Variants in KNL1 observed in about 807,000 individuals in gnomAD.
The protein encoded by KNL1 is kinetochore scaffold 1.
A neutral mutation model predicts 201.3 loss-of-function variants in KNL1; 66 were observed. The ratio of observed to expected loss-of-function variants is 0.33; its 90% CI spans 0.27 to 0.40. The LOEUF (loss-of-function observed/expected upper bound fraction) is 0.40. Among genes scored for constraint, KNL1 ranks in the 10% least tolerant of loss-of-function variants. The pLI, the probability that KNL1 is intolerant of heterozygous loss-of-function variation, is 1.00. For synonymous variants in KNL1, 895 were observed against 899.2 expected, an observed-to-expected ratio of 1.00 and a Z score of 0.08; for missense variants, 2,815 against 2,690.5, an observed-to-expected ratio of 1.05 and a Z score of -1.02.
chr15:40,599,834 A>G (rs1436500602), intron 1 of KNL1, among the ~76,000 whole-genome samples: 9 of 101,654 alleles, frequency 8.9e-5, no homozygotes, highest in Non-Finnish European at 1.6e-4. Flanking sequence ...GGGTCTCCCT[A>G]TGTTGCCCAG....
chr15:40,601,373 T>C (rs965890619), intron 1 of KNL1, among the ~76,000 whole-genome samples: 1 of 152,214 alleles, frequency 6.6e-6, no homozygotes, highest in African/African-American at 2.4e-5. Flanking sequence ...CTAATTGATG[T>C]CCACTTTGGG....
In KNL1 at chr15:40,619,355, A is replaced by AATATATAT. The variant is rs71956781; in HGVS notation, c.375+359_375+366dup. Among the ~76,000 whole-genome samples the AATATATAT allele has an allele frequency of 4.2e-3, 614 of 146,154 alleles. 9 individuals are homozygous for AATATATAT. Among genetic ancestry groups the AATATATAT allele is most frequent in the African/African-American group, 0.013 (534 of 39,784 alleles). On this transcript the variant is annotated intron_variant, in intron 9 of 25. Coordinates refer to ENST00000399668, the MANE Select transcript of KNL1 (RefSeq NM_144508.5). ...AGAAAACTGTTGTAGCACACAGTGT[A>AATATATAT]ATATATATATATATATATATATTTT...
chr15:40,652,314 G>T (rs1440738430), intron 21 of KNL1, among the ~76,000 whole-genome samples: 2 of 152,090 alleles, frequency 1.3e-5, no homozygotes, highest in African/African-American at 2.4e-5. Flanking sequence ...GTTGCCCTTT[G>T]TTGAATTACA....
intron 10 of KNL1, among the ~76,000 whole-genome samples, chr15:40,626,327 C>CT (rs540280443): frequency 0.029 from 3,906 of 135,300 alleles, 112 homozygotes; most frequent in East Asian, 0.14. Context: ...TAATTTCTTT[C>CT]TTTTTTTTTT....
At position 40,622,413 on chromosome 15, in the gene KNL1, A is replaced by G. The variant is rs758340915; in HGVS notation, c.2149A>G (p.Ile717Val). The G allele has an allele frequency of 1.9e-6, 3 of 1,613,760 alleles. No homozygotes were observed. The highest frequency in any genetic ancestry group is 1.7e-5 in the Admixed American group (1 of 60,002). Residue 717 changes from isoleucine (I) to valine (V), a missense_variant, in exon 10 of 26, where the codon ATA becomes GTA. Physicochemically the swap from Ile to Val is conservative, Grantham distance 29. This residue lies in a region of KNL1 where 2,464 missense variants were observed against 2,291.7 expected (regional missense o/e 1.08). Transcript: ENST00000399668. ...CTCTATGAAAAATCATGATACTGCT[A>G]TAAGTAGTCATACAGTGAAATCTGT... ...QFSMKNHDTA[I>V]SSHTVKSVLG...
chr15:40,660,485 T>G (rs914071549), intron 25 of KNL1, among the ~76,000 whole-genome samples: 1 of 148,196 alleles, frequency 6.7e-6, no homozygotes, highest in Non-Finnish European at 1.5e-5. Context: ...GCCAAGTTGG[T>G]GAAACCCCGC....
chr15:40,637,836 A>G (rs1184275441), intron 13 of KNL1, among the ~76,000 whole-genome samples: 1 of 152,084 alleles, frequency 6.6e-6, no homozygotes, highest in Non-Finnish European at 1.5e-5. Context: ...CATCCCCAAG[A>G]TATGTCATTA....
intron 9 of KNL1, among the ~76,000 whole-genome samples, chr15:40,619,255 T>C (rs1892439296): frequency 6.6e-6 from 1 of 152,068 alleles, no homozygotes; most frequent in Non-Finnish European, 1.5e-5. Context: ...TTTATTTCTA[T>C]TTCCTTAGTG....
chr15:40,608,004 C>T (rs1455691953), intron 4 of KNL1, among the ~76,000 whole-genome samples: 1 of 152,060 alleles, frequency 6.6e-6, no homozygotes, highest in Non-Finnish European at 1.5e-5. Context: ...CACCCATGTT[C>T]ATAGCGGCAT....
chr15:40,611,308 C>T (rs541813403), intron 6 of KNL1, among the ~76,000 whole-genome samples, 170 bp from the exon 7 acceptor site: 18 of 152,028 alleles, frequency 1.2e-4, no homozygotes, highest in African/African-American at 3.4e-4. Context: ...AGGGTTTCAC[C>T]GTGTTGGTCA....
rs200456157 is a variant in KNL1 at position 40,621,742 on chromosome 15, C to T, written c.1478C>T (p.Ala493Val). Residue 493 changes from alanine (A) to valine (V), a missense_variant, in exon 10 of 26, where the codon GCA becomes GTA. By Grantham distance (64) the Ala-to-Val change is moderately conservative. Around this residue, in one of 3 missense-constraint regions of KNL1, gnomAD observed 2,464 missense variants for 2,291.7 expected, o/e 1.08. Transcript: ENST00000399668. ...NMDITKSHTVAIDNQIFKQDQ... is the reference protein window; with the variant it reads ...NMDITKSHTVVIDNQIFKQDQ... The stretch of plus-strand genomic sequence containing the variant: ...GACATTACCAAGAGTCATACAGTTG[C>T]AATAGATAATCAAATTTTTAAACAA... 6.2e-7 allele frequency: 1 copy of T among 1,613,478 alleles called. No homozygotes were observed. The highest frequency in any genetic ancestry group is 2.2e-5 in the East Asian group (1 of 44,876).
chr15:40,596,029 TA>T (rs144016361), intron 1 of KNL1, among the ~76,000 whole-genome samples: 3,022 of 152,114 alleles, frequency 0.02, 101 homozygotes, highest in African/African-American at 0.07. Flanking sequence ...ATTAAAAGGG[TA>T]AAAAAACACT....
chr15:40,606,558 G>A (rs1424254294), intron 4 of KNL1, 106 bp downstream of exon 4: 2 of 646,660 alleles, frequency 3.1e-6, no homozygotes, highest in African/African-American at 1.8e-5. Flanking sequence ...CATCCCATGA[G>A]TTTCCAAACA....
chr15:40,651,039 G>A (rs920768834), intron 19 of KNL1, among the ~76,000 whole-genome samples: 2 of 149,770 alleles, frequency 1.3e-5, no homozygotes, highest in African/African-American at 4.9e-5. Flanking sequence ...GATATGTTCT[G>A]TTTAGCTCTA....
intron 25 of KNL1, 74 bp downstream of exon 25, chr15:40,659,535 C>T: frequency 7.0e-7 from 1 of 1,433,498 alleles, no homozygotes; most frequent in Non-Finnish European, 9.5e-7. Flanking sequence ...CTCTGTTGCC[C>T]AGGCTGGAGT....
At chr15:40,599,074 G>A (rs902081123) in intron 1 of KNL1, among the ~76,000 whole-genome samples, 2 of 151,688 alleles carry the variant, frequency 1.3e-5, no homozygotes, top group Admixed American at 6.6e-5. Context: ...CAGAGTGCTG[G>A]GATTACAGGC....
At chr15:40,657,675 A>T (rs1893774352) in intron 24 of KNL1, among the ~76,000 whole-genome samples, 1 of 152,130 alleles carries the variant, frequency 6.6e-6, no homozygotes, top group African/African-American at 2.4e-5. Context: ...GTAAATGCAT[A>T]ACCTTGATCT....
rs765459833 is a variant in KNL1, at chr15:40,608,878, C to T, written c.167C>T (p.Ser56Phe). 1.2e-6 allele frequency: 2 copies of T among 1,611,174 alleles called. No individual in the cohort carries two copies. The highest frequency in any genetic ancestry group is 1.7e-6 in the Non-Finnish European group (2 of 1,178,220). ...AATGCTTTGAGAAATAAGAAAAACT[C>T]TCGTCGAGTCAGCTTTGCAGATACT... ...ESNALRNKKNSRRVSFADTIK... is the reference protein window; with the variant it reads ...ESNALRNKKNFRRVSFADTIK... Residue 56 changes from serine (S) to phenylalanine (F), a missense_variant, in exon 5 of 26, where the codon TCT (serine) becomes TTT (phenylalanine). By Grantham distance (155) the Ser-to-Phe change is radical (BLOSUM62 -2). This residue lies in a region of KNL1 where 2,464 missense variants were observed against 2,291.7 expected (regional missense o/e 1.08). Coordinates refer to ENST00000399668, the MANE Select transcript of KNL1 (RefSeq NM_144508.5).
intron 22 of KNL1, among the ~76,000 whole-genome samples, chr15:40,656,057 A>C (rs1202205708): frequency 6.6e-6 from 1 of 152,184 alleles, no homozygotes; most frequent in Non-Finnish European, 1.5e-5. Flanking sequence ...AGTCCATGCG[A>C]TTTGTTCCCC....
Sources: gnomAD v4.1 joint callset for allele counts (sites outside exome capture counted in the v4.1 genomes callset) on GRCh38, gnomAD v4.1.1 for gene constraint, gnomAD v4.1.1 regional missense constraint, MANE v1.5 for transcripts, NCBI Gene and HGNC (gene_info 2026-07-23, HGNC 2026-07-21) for gene names.